PRSS23: variants seen among roughly 807,000 people sequenced by gnomAD.
PRSS23 encodes serine protease 23, also known as protease, serine 23.
PRSS23 carries 25 observed loss-of-function variants against 34.7 expected under a neutral mutation model. The observed-to-expected ratio is 0.72, with a 90% CI of 0.53 to 1.01. The LOEUF is 1.01. PRSS23 is among the 50% of genes least tolerant of loss of function. The pLI is 0.00. For missense variants in PRSS23, 445 were observed against 475.6 expected, an observed-to-expected ratio of 0.94 and a Z score of 0.60; for synonymous variants, 176 against 186.6, an observed-to-expected ratio of 0.94 and a Z score of 0.46.
chr11:86,855,970 C>T (rs903540817), intron 2 of PRSS23, among the ~76,000 whole-genome samples: 4 of 152,020 alleles, frequency 2.6e-5, no homozygotes, highest in African/African-American at 9.7e-5. Context: ...GTGTGTATAC[C>T]ACAGTTTTTT....
chr11:86,820,104 C>A (rs752017239), intron 1 of PRSS23, among the ~76,000 whole-genome samples: 1 of 152,116 alleles, frequency 6.6e-6, no homozygotes, highest in Non-Finnish European at 1.5e-5. Context: ...CAAACATAAA[C>A]TTTGTGGGGA....
intron 2 of PRSS23, among the ~76,000 whole-genome samples, chr11:86,922,522 C>T (rs1949053646): frequency 1.3e-5 from 2 of 152,076 alleles, no homozygotes; most frequent in Admixed American, 6.5e-5. Flanking sequence ...ATAATGTCCT[C>T]ACACCATCAC....
At chr11:86,852,515 T>A (rs796151109) in intron 2 of PRSS23, among the ~76,000 whole-genome samples, 11 of 152,338 alleles carry the variant, frequency 7.2e-5, no homozygotes, top group African/African-American at 2.6e-4. Context: ...CCAACTGCTT[T>A]AATTTTCATC....
Position 86,808,895 on chromosome 11 carries a change from TG to T in PRSS23, c.*101del. The stretch of plus-strand genomic sequence containing the variant: ...ATTGGCGTGCACACGTGTGTGTGTG[TG>T]TGTGTGTGTGTGTAAGGTGTCTTAT... On this transcript the variant is annotated 3_prime_UTR_variant, in exon 2 of 2. Coordinates refer to ENST00000280258, the MANE Select transcript of PRSS23 (RefSeq NM_007173.6). 1 of 915,314 alleles carries T rather than the reference TG, an allele frequency of 1.1e-6. No individual in the cohort carries two copies. Among genetic ancestry groups the T allele is most frequent in the Non-Finnish European group, 1.7e-6 (1 of 588,736 alleles). The allele number at this position is 915,314 out of a possible 1,614,324, so 56.7% of individuals were successfully genotyped here.
At chr11:86,902,076 A>G (rs1402749307) in intron 2 of PRSS23, among the ~76,000 whole-genome samples, 2 of 152,186 alleles carry the variant, frequency 1.3e-5, no homozygotes, top group South Asian at 2.1e-4. Context: ...ATTCATGTCT[A>G]CTGAATGTCT....
intron 1 of PRSS23, among the ~76,000 whole-genome samples, chr11:86,801,137 G>A (rs192954744): frequency 6.5e-4 from 99 of 152,320 alleles, no homozygotes; most frequent in African/African-American, 2.3e-3. Context: ...CAAGAGAAGT[G>A]CAAAAGTGCA....
At chr11:86,930,933 G>C (rs1393061687) in intron 2 of PRSS23, among the ~76,000 whole-genome samples, 4 of 152,170 alleles carry the variant, frequency 2.6e-5, no homozygotes, top group African/African-American at 4.8e-5. Context: ...GGAAGATGCA[G>C]GAAGGAGTAG....
chr11:86,821,825 C>T (rs892914525), intron 1 of PRSS23: 5 of 613,998 alleles, frequency 8.1e-6, no homozygotes, highest in Admixed American at 6.1e-5. Flanking sequence ...ATAGTGTCAG[C>T]GTCTGGGCCT....
At chr11:86,839,685 T>A (rs2134901880) in intron 2 of PRSS23, among the ~76,000 whole-genome samples, 1 of 151,956 alleles carries the variant, frequency 6.6e-6, no homozygotes, top group Non-Finnish European at 1.5e-5. Flanking sequence ...GGAAAAATGT[T>A]AAAGGCAGCC....
chr11:86,868,546 A>G (rs1948665572), intron 2 of PRSS23, among the ~76,000 whole-genome samples: 1 of 152,172 alleles, frequency 6.6e-6, no homozygotes, highest in African/African-American at 2.4e-5. Context: ...GGGACCCCAG[A>G]CATTGCAAAG....
chr11:86,951,162 C>T lies in PRSS23; in HGVS notation c.207-54C>T, dbSNP rs1036091905. ...TAGCCTTATACCACAGTCTCACTGC[C>T]TTTTCCAGGCTTCACCCAACCATTT... On this transcript the variant is annotated intron_variant, in intron 2 of 2. Coordinates refer to the PRSS23 transcript ENST00000533902. 1.4e-5 allele frequency: 23 copies of T among 1,613,972 alleles called. No homozygotes were observed. The highest frequency in any genetic ancestry group is 1.9e-5 in the Non-Finnish European group (22 of 1,179,936).
intron 2 of PRSS23, chr11:86,950,954 G>C (rs1949285106): frequency 1.5e-6 from 1 of 670,354 alleles, no homozygotes; most frequent in South Asian, 1.8e-5. Context: ...TCATTCCAAA[G>C]TCTGCAGCAA....
chr11:86,928,070 A>G (rs944105225), intron 2 of PRSS23, among the ~76,000 whole-genome samples: 2 of 151,078 alleles, frequency 1.3e-5, no homozygotes, highest in Non-Finnish European at 2.9e-5. Context: ...GCCTACATAG[A>G]TGTATGTATG....
intron 2 of PRSS23, among the ~76,000 whole-genome samples, chr11:86,899,165 A>G (rs1948894806): frequency 1.3e-5 from 2 of 151,654 alleles, no homozygotes; most frequent in Admixed American, 6.6e-5. Flanking sequence ...CCAACCCCAC[A>G]CCCCACTCAT....
chr11:86,935,671 T>TA (rs1196674547), intron 2 of PRSS23: 1 of 152,146 alleles, frequency 6.6e-6, no homozygotes, highest in Non-Finnish European at 1.5e-5. Flanking sequence ...CTCTAAAAGT[T>TA]AGACATTATA....
At chr11:86,851,611 G>A (rs1372236053) in intron 2 of PRSS23, among the ~76,000 whole-genome samples, 1 of 152,212 alleles carries the variant, frequency 6.6e-6, no homozygotes, top group Non-Finnish European at 1.5e-5. Context: ...TTCATGATCT[G>A]ATACAAGTTA....
intron 2 of PRSS23, among the ~76,000 whole-genome samples, chr11:86,836,570 G>A (rs572684631): frequency 1.3e-5 from 2 of 152,310 alleles, no homozygotes; most frequent in African/African-American, 4.8e-5. Context: ...AATTAGAAAA[G>A]CATGTGAAAA....
At chr11:86,887,411 A>AC (rs1216497045) in intron 2 of PRSS23, among the ~76,000 whole-genome samples, 6 of 108,370 alleles carry the variant, frequency 5.5e-5, no homozygotes, top group African/African-American at 2.1e-4. Context: ...AACAAAACAA[A>AC]ACAAAAAAAA....
intron 2 of PRSS23, among the ~76,000 whole-genome samples, chr11:86,824,321 A>C (rs1165015626): frequency 8.3e-6 from 1 of 121,172 alleles, no homozygotes; most frequent in Non-Finnish European, 1.6e-5. Context: ...CAAAAATAAA[A>C]ATAAAAATAA....
Sources: gnomAD v4.1 joint callset for allele counts (sites outside exome capture counted in the v4.1 genomes callset) on GRCh38, gnomAD v4.1.1 for gene constraint, MANE v1.5 for transcripts, NCBI Gene and HGNC (gene_info 2026-07-23, HGNC 2026-07-21) for gene names.